Variants in DNM1 observed in about 807,000 individuals in gnomAD.
The protein encoded by DNM1 is dynamin-1.
A neutral mutation model predicts 104.6 loss-of-function variants in DNM1; 29 were observed. The ratio of observed to expected loss-of-function variants is 0.28; its 90% CI spans 0.21 to 0.38. The LOEUF is 0.38. DNM1 is among the 10% of genes least tolerant of loss of function. DNM1 has a pLI of 1.00. For synonymous variants in DNM1, 445 were observed against 475.8 expected (o/e 0.94, Z 0.84); for missense variants, 640 against 1,189.4 (o/e 0.54, Z 6.79).
Position 128,254,075 on chromosome 9 carries a change from A to G in DNM1, c.2535-579A>G, listed in dbSNP as rs903075064. 1.6e-6 allele frequency: 2 copies of G among 1,248,132 alleles called. No homozygotes were observed. Among genetic ancestry groups the G allele is most frequent in the Non-Finnish European group, 2.0e-6 (2 of 999,642 alleles). 77.3% of individuals were successfully genotyped at this position (1,248,132 alleles called of 1,614,324 possible). ...CAGCTGAGGCTCCCCTCTTAGACTT[A>G]TAAGTCTATGGCCACTGGCATCCGG... On this transcript the variant is annotated intron_variant, in intron 21 of 21. Coordinates refer to ENST00000372923, the MANE Select transcript of DNM1 (RefSeq NM_004408.4). This position sits in a 1 kb window ranked among gnomAD's most constrained non-coding sequence, Gnocchi z 6.1.
chr9:128,229,134 G>A (rs1835512620), intron 10 of DNM1, among the ~76,000 whole-genome samples: 1 of 152,166 alleles, frequency 6.6e-6, no homozygotes, highest in South Asian at 2.1e-4. Context: ...GCTCACACCT[G>A]TAATCCCAGA....
intron 21 of DNM1, chr9:128,252,698 G>A: frequency 1.2e-5 from 6 of 480,308 alleles, no homozygotes; most frequent in South Asian, 9.5e-5. Context: ...AATGACAGCT[G>A]GACTTTAGCG....
At chr9:128,216,634 C>T (rs73672446) in intron 1 of DNM1, among the ~76,000 whole-genome samples, 10,771 of 152,230 alleles carry the variant, frequency 0.071, 654 homozygotes, top group East Asian at 0.34. Context: ...TCCCCAGCAG[C>T]GTCCACTTCC....
intron 10 of DNM1, chr9:128,231,862 C>T (rs547051054): frequency 4.6e-5 from 16 of 351,328 alleles, no homozygotes; most frequent in Non-Finnish European, 6.8e-5. Flanking sequence ...CAGCGGACAG[C>T]GGCTGGCTTT....
Position 128,254,304 on chromosome 9 carries a change from AG to A in DNM1, c.2535-349del. 1 of 1,390,362 alleles carries A rather than the reference AG, an allele frequency of 7.2e-7. No individual in the cohort carries two copies. The highest frequency in any genetic ancestry group is 2.9e-5 in the East Asian group (1 of 35,014). The allele number at this position is 1,390,362 out of a possible 1,614,324, so 86.1% of individuals were successfully genotyped here. ...GGTGGCCCCAGGCCAGTGGGTTGGA[AG>A]ACAGGGTGACCAGAGAAGAGGGAAG... On this transcript the variant is annotated intron_variant, in intron 21 of 21. Transcript: ENST00000372923. The surrounding 1 kb of genome is among the most constrained non-coding windows in gnomAD (Gnocchi z 6.1).
chr9:128,244,987 A>C, intron 15 of DNM1: 1 of 278,004 alleles, frequency 3.6e-6, no homozygotes. Context: ...GCCTCCTTTG[A>C]CGTGGCAGGG....
chr9:128,251,082 C>G, intron 21 of DNM1, 142 bp downstream of exon 21: 1 of 679,730 alleles, frequency 1.5e-6, no homozygotes, highest in Non-Finnish European at 2.6e-6. Context: ...GGTGCCGGAG[C>G]CACGCCACGT....
chr9:128,248,614 G>T lies in DNM1; in HGVS notation c.1937G>T (p.Ser646Ile). ...GAGACCGAGGAGAATGGCTCCGACA[G>T]CTTCATGCATTCCATGGACCCACAG... ...ASETEENGSDSFMHSMDPQLE... is the reference protein window; with the variant it reads ...ASETEENGSDIFMHSMDPQLE... The change falls in exon 19 of 22, where the codon AGC becomes ATC. Residue 646 changes from serine (S) to isoleucine (I), a missense_variant. By Grantham distance (142) the Ser-to-Ile change is moderately radical. Around this residue, in one of 7 missense-constraint regions of DNM1, gnomAD observed 91 missense variants for 256.3 expected, o/e 0.36. Coordinates refer to ENST00000372923, the MANE Select transcript of DNM1 (RefSeq NM_004408.4). This position sits in a 1 kb window ranked among gnomAD's most constrained non-coding sequence, Gnocchi z 5.6. 1 of 1,614,038 alleles carries T rather than the reference G, an allele frequency of 6.2e-7. No individual in the cohort carries two copies. Among genetic ancestry groups the T allele is most frequent in the Middle Eastern group, 1.7e-4 (1 of 6,058 alleles).
rs779095948 is a variant in DNM1 at position 128,254,558 on chromosome 9, G to T, written c.2535-96G>T. The stretch of plus-strand genomic sequence containing the variant: ...TCCCCGGCCCTCCCACCACTGCTGC[G>T]GCGCGGCCGGCCCCGGCCGTGTGCT... On this transcript the variant is annotated intron_variant, in intron 21 of 21. Transcript: ENST00000372923. The surrounding 1 kb of genome is among the most constrained non-coding windows in gnomAD (Gnocchi z 6.1). 3.9e-6 allele frequency: 6 copies of T among 1,547,280 alleles called. No individual in the cohort carries two copies. The South Asian group carries it at 4.5e-5, about 12-fold the overall frequency.
In DNM1 at chr9:128,240,087, C is replaced by G; in HGVS notation, c.1557+91C>G. 6.7e-7 allele frequency: 1 copy of G among 1,486,220 alleles called. No individual in the cohort carries two copies. Among genetic ancestry groups the G allele is most frequent in the East Asian group, 2.3e-5 (1 of 44,230 alleles). The allele number at this position is 1,486,220 out of a possible 1,614,324, so 92.1% of individuals were successfully genotyped here. On this transcript the variant is annotated intron_variant, in intron 14 of 21. Transcript: ENST00000372923. This position sits in a 1 kb window ranked among gnomAD's most constrained non-coding sequence, Gnocchi z 5.1. ...GATCTGCAACGGGTAGGAGGGCACC[C>G]TTTGGCTGAAGCTGCTTGTACACAC...
chr9:128,230,983 G>C (rs1281920793), intron 10 of DNM1, among the ~76,000 whole-genome samples: 1 of 150,032 alleles, frequency 6.7e-6, no homozygotes, highest in Admixed American at 6.7e-5. Flanking sequence ...TTGTATTTTT[G>C]GTAGAGATGG....
At chr9:128,239,354 G>A (rs1674706052) in intron 11 of DNM1, 91 bp from the exon 12 acceptor site, 1 of 917,680 alleles carries the variant, frequency 1.1e-6, no homozygotes, top group African/African-American at 1.6e-5. Context: ...CCTCCTATAT[G>A]TGCTGCAAGT....
At chr9:128,213,243 T>G (rs1259597953) in intron 1 of DNM1, among the ~76,000 whole-genome samples, 2 of 151,906 alleles carry the variant, frequency 1.3e-5, no homozygotes, top group Non-Finnish European at 2.9e-5. Flanking sequence ...CACCACACCC[T>G]GCTAATTTTT....
At chr9:128,251,822 C>T (rs2131303343) in intron 21 of DNM1, 1 of 152,968 alleles carries the variant, frequency 6.5e-6, no homozygotes, top group Admixed American at 6.5e-5. Flanking sequence ...ACTCCAATTC[C>T]CAGTCTGCCC....
At chr9:128,242,100 C>T in intron 14 of DNM1, 132 bp from the exon 15 acceptor site, 2 of 677,190 alleles carry the variant, frequency 3.0e-6, no homozygotes, top group Non-Finnish European at 2.7e-6. Flanking sequence ...GTCTGGCCCC[C>T]ACCCTCCCTG....
chr9:128,243,884 A>C lies in DNM1; in HGVS notation c.1671+1539A>C, dbSNP rs1437051920. 6.6e-6 allele frequency among the ~76,000 whole-genome samples: 1 copy of C among 151,768 alleles called. No homozygotes were observed. The highest frequency in any genetic ancestry group is 1.5e-5 in the Non-Finnish European group (1 of 67,986). On this transcript the variant is annotated intron_variant, in intron 15 of 21. Transcript: ENST00000372923. The surrounding 1 kb of genome is among the most constrained non-coding windows in gnomAD (Gnocchi z 4.0). ...GTGTGCGAAAACAGCTCTGAGAATC[A>C]TATGTGGGGAGATGGGAGTCAGCTG...
chr9:128,221,934 TAA>T (rs1203551932), intron 6 of DNM1, among the ~76,000 whole-genome samples: 1 of 152,108 alleles, frequency 6.6e-6, no homozygotes, highest in East Asian at 1.9e-4. Flanking sequence ...ATAAAAAGAT[TAA>T]ATTGGCCAAA....
At position 128,253,447 on chromosome 9, in the gene DNM1, C is replaced by T. The variant is rs1829653225; in HGVS notation, c.2535-1207C>T. 3 of 451,518 alleles carry T rather than the reference C, an allele frequency of 6.6e-6. No homozygotes were observed. Among genetic ancestry groups the T allele is most frequent in the African/African-American group, 4.0e-5 (2 of 50,330 alleles). 28.0% of individuals were successfully genotyped at this position (451,518 alleles called of 1,614,324 possible). A position where few individuals can be genotyped will look rare whatever the true frequency, so the allele number is the denominator to read the frequency against. On this transcript the variant is annotated intron_variant, in intron 21 of 21. Coordinates refer to ENST00000372923, the MANE Select transcript of DNM1 (RefSeq NM_004408.4). The surrounding 1 kb of genome is among the most constrained non-coding windows in gnomAD (Gnocchi z 5.9). Reference sequence around the variant, plus strand: ...GAGCCGTCAGAGAGGGCAGAGAGCTCGTGGTTTATGGTGTAAAGGCTGGGA... The same window carrying T: ...GAGCCGTCAGAGAGGGCAGAGAGCTTGTGGTTTATGGTGTAAAGGCTGGGA...
intron 1 of DNM1, among the ~76,000 whole-genome samples, chr9:128,214,826 C>T (rs529822525): frequency 6.6e-6 from 1 of 152,252 alleles, no homozygotes; most frequent in Non-Finnish European, 1.5e-5. Flanking sequence ...GCCTCCGAGG[C>T]TGGTGGGCCT....
Sources: gnomAD v4.1 joint callset for allele counts (sites outside exome capture counted in the v4.1 genomes callset) on GRCh38, gnomAD v4.1.1 for gene constraint, gnomAD v4.1.1 regional missense constraint, Gnocchi (gnomAD v3.1) non-coding constraint, MANE v1.5 for transcripts, NCBI Gene and HGNC (gene_info 2026-07-23, HGNC 2026-07-21) for gene names.